Variants in MS4A15 observed in about 807,000 individuals in gnomAD.
MS4A15 encodes membrane spanning 4-domains A15, also known as membrane-spanning 4-domains subfamily A member 15.
MS4A15 carries 22 observed loss-of-function variants against 20.6 expected under a neutral mutation model. That is an observed-to-expected ratio of 1.07 (90% confidence interval 0.76 to 1.52). MS4A15 has a LOEUF of 1.52. Among genes scored for constraint, MS4A15 ranks in the 40% most tolerant of loss-of-function variants. MS4A15 has a pLI of 0.00. For synonymous variants in MS4A15, 129 were observed against 129.3 expected (o/e 1.00, Z 0.02); for missense variants, 312 against 323.0 (o/e 0.97, Z 0.26).
Position 60,763,939 on chromosome 11 carries a change from GAGAGCCCAA to G in MS4A15, c.209_217del (p.Glu70_Lys72del). The stretch of plus-strand genomic sequence containing the variant: ...CGGCCCGTGGAGACATTCCTGACAG[GAGAGCCCAA>G]AGTTTTGGGGGTAAGAACAGCCTCT... On this transcript the variant is annotated inframe_deletion, in exon 2 of 7. Coordinates refer to ENST00000405633, the MANE Select transcript of MS4A15 (RefSeq NM_001098835.2). The G allele has an allele frequency of 6.2e-7, 1 of 1,612,816 alleles. No homozygotes were observed. The highest frequency in any genetic ancestry group is 8.5e-7 in the Non-Finnish European group (1 of 1,179,816).
rs1565075754 is a variant in MS4A15, at chr11:60,775,614, T to A, written c.622T>A (p.Phe208Ile). Residue 208 changes from phenylalanine to isoleucine, a missense_variant, in exon 7 of 7, where the codon TTC becomes ATC. By Grantham distance (21) the Phe-to-Ile change is conservative. Coordinates refer to ENST00000405633, the MANE Select transcript of MS4A15 (RefSeq NM_001098835.2). ...IHAQASAPVI[F>I]LPNAFSADFN... ...GCTGTTTTCTTTGCAGCCTGTGATC[T>A]TCCTGCCAAACGCCTTCAGCGCAGA... The A allele has an allele frequency of 6.2e-7, 1 of 1,613,924 alleles. No individual in the cohort carries two copies. The highest frequency in any genetic ancestry group is 1.7e-5 in the Admixed American group (1 of 60,024).
chr11:60,767,196 T>C (rs1052875198), intron 2 of MS4A15, among the ~76,000 whole-genome samples: 8 of 152,096 alleles, frequency 5.3e-5, no homozygotes, highest in African/African-American at 1.9e-4. Flanking sequence ...AGGTGAGGCA[T>C]GCGGTGCAGG....
chr11:60,768,567 C>A (rs1853942010), intron 3 of MS4A15, among the ~76,000 whole-genome samples: 1 of 152,198 alleles, frequency 6.6e-6, no homozygotes, highest in South Asian at 2.1e-4. Flanking sequence ...AGGGTCAGGT[C>A]AACGGGGTCT....
intron 6 of MS4A15, among the ~76,000 whole-genome samples, chr11:60,774,534 G>A (rs967420258): frequency 5.9e-5 from 9 of 152,250 alleles, no homozygotes; most frequent in Non-Finnish European, 7.3e-5. Context: ...CCCACAGGCA[G>A]CCTTGCAGAA....
At position 60,775,640 on chromosome 11, in the gene MS4A15, C is replaced by A; in HGVS notation, c.648C>A (p.Asp216Glu). ...VIFLPNAFSA[D>E]FNIPSPAASA... ...TCCTGCCAAACGCCTTCAGCGCAGA[C>A]TTCAACATCCCCAGCCCGGCAGCCT... Residue 216 changes from aspartate (D) to glutamate (E), a missense_variant, in exon 7 of 7, where the codon GAC becomes GAA. Asp to Glu is a conservative substitution (Grantham distance 45). Coordinates refer to ENST00000405633, the MANE Select transcript of MS4A15 (RefSeq NM_001098835.2). The A allele has an allele frequency of 1.2e-6, 2 of 1,614,034 alleles. No individual in the cohort carries two copies. Among genetic ancestry groups the A allele is most frequent in the South Asian group, 2.2e-5 (2 of 91,084 alleles).
chr11:60,771,179 T>C, intron 3 of MS4A15, 112 bp from the exon 4 acceptor site: 1 of 1,209,204 alleles, frequency 8.3e-7, no homozygotes, highest in South Asian at 1.3e-5. Context: ...GCAGAGAAAG[T>C]GGCATCAGGA....
intron 6 of MS4A15, 117 bp downstream of exon 6, chr11:60,774,067 A>G: frequency 1.3e-6 from 1 of 761,678 alleles, no homozygotes; most frequent in South Asian, 1.5e-5. Flanking sequence ...TCTGGGAAGC[A>G]ATAAGAAGAG....
chr11:60,771,782 A>C, intron 4 of MS4A15: 5 of 1,205,218 alleles, frequency 4.1e-6, no homozygotes, highest in African/African-American at 1.6e-5. Flanking sequence ...AGTGGAAAGA[A>C]ATCAGACAGA....
chr11:60,770,287 G>A (rs1353307449), intron 3 of MS4A15, among the ~76,000 whole-genome samples: 2 of 152,162 alleles, frequency 1.3e-5, no homozygotes, highest in Non-Finnish European at 2.9e-5. Flanking sequence ...TTTGCTAAGT[G>A]TCAGTCTTCC....
chr11:60,767,745 G>A (rs1853921554), intron 3 of MS4A15, 90 bp downstream of exon 3: 2 of 1,395,546 alleles, frequency 1.4e-6, no homozygotes, highest in South Asian at 3.1e-5. Context: ...ATCCTCCTGG[G>A]CACAGCCTCT....
Position 60,767,601 on chromosome 11 carries a change from C to T in MS4A15, c.294C>T (p.Gly98=). The part of the protein sequence containing the change: ...FGSVLLMVRR[G]HVGIFFIEGG... ...GCGTGCTGCTCATGGTTCGCCGCGGCCACGTGGGCATCTTCTTCATCGAGG... is the reference window on the plus strand; with the variant it reads ...GCGTGCTGCTCATGGTTCGCCGCGGTCACGTGGGCATCTTCTTCATCGAGG... Residue 98 remains glycine (G), a synonymous_variant, in exon 3 of 7, where the codon GGC becomes GGT. Coordinates refer to ENST00000405633, the MANE Select transcript of MS4A15 (RefSeq NM_001098835.2). 1 of 1,557,926 alleles carries T rather than the reference C, an allele frequency of 6.4e-7. No homozygotes were observed.
chr11:60,761,249 G>C (rs181527186), intron 1 of MS4A15, among the ~76,000 whole-genome samples: 2 of 152,214 alleles, frequency 1.3e-5, no homozygotes, highest in East Asian at 3.9e-4. Context: ...CCCCCTCTTT[G>C]TTTTTCCACA....
intron 2 of MS4A15, among the ~76,000 whole-genome samples, chr11:60,766,845 G>A (rs564404796): frequency 2.9e-4 from 44 of 152,322 alleles, no homozygotes; most frequent in Admixed American, 4.6e-4. Context: ...TGAAAGTCAC[G>A]GAGCCGGAAG....
intron 1 of MS4A15, among the ~76,000 whole-genome samples, chr11:60,761,975 T>C (rs1853754654): frequency 6.6e-6 from 1 of 152,230 alleles, no homozygotes; most frequent in Non-Finnish European, 1.5e-5. Context: ...TGCAGAATTT[T>C]GGCTGCCTGT....
intron 3 of MS4A15, among the ~76,000 whole-genome samples, chr11:60,768,480 T>A (rs1471315990): frequency 6.6e-6 from 1 of 152,176 alleles, no homozygotes; most frequent in Non-Finnish European, 1.5e-5. Flanking sequence ...CTTGAGTGTA[T>A]ACCGTGAACC....
intron 2 of MS4A15, among the ~76,000 whole-genome samples, chr11:60,766,971 T>C (rs1276923950): frequency 1.3e-5 from 2 of 152,352 alleles, no homozygotes; most frequent in South Asian, 2.1e-4. Flanking sequence ...TGGCAGACCT[T>C]ACTAGAAGCT....
At chr11:60,760,598 C>G (rs1463053316) in intron 1 of MS4A15, among the ~76,000 whole-genome samples, 1 of 152,176 alleles carries the variant, frequency 6.6e-6, no homozygotes, top group Non-Finnish European at 1.5e-5. Flanking sequence ...AACTGTAAAA[C>G]TGATAATGGC....
intron 6 of MS4A15, among the ~76,000 whole-genome samples, chr11:60,775,072 T>C (rs142300471): frequency 2.6e-5 from 4 of 152,102 alleles, no homozygotes; most frequent in African/African-American, 9.6e-5. Flanking sequence ...CCCCGGCACT[T>C]TGGGAGGCCG....
In MS4A15 at chr11:60,773,856, T is replaced by C. The variant is rs1854110089; in HGVS notation, c.518T>C (p.Leu173Pro). Residue 173 changes from leucine (L) to proline (P), a missense_variant, in exon 6 of 7, where the codon CTG (leucine) becomes CCG (proline). Leu to Pro is a moderately conservative substitution (Grantham distance 98). Transcript: ENST00000405633. ...CCCCAGGATGTGGACAGGGGCTATC[T>C]GGCCGTGCTTACTATCTTCACTGTC... ...VTNRDVDRGY[L>P]AVLTIFTVLE... 8 of 1,614,042 alleles carry C rather than the reference T, an allele frequency of 5.0e-6. No homozygotes were observed. The African/African-American group carries it at 1.1e-4, about 22-fold the overall frequency.
Sources: allele counts gnomAD v4.1 joint callset (sites outside exome capture counted in the v4.1 genomes callset), GRCh38; gene constraint gnomAD v4.1.1; transcripts MANE v1.5; gene names NCBI Gene and HGNC (gene_info 2026-07-23, HGNC 2026-07-21).